Variants in RNASEH1 observed in about 807,000 individuals in gnomAD.
The protein encoded by RNASEH1 is ribonuclease H1, also known as ribonuclease H type II.
RNASEH1 carries 27 observed loss-of-function variants against 34.6 expected under a neutral mutation model. That is an observed-to-expected ratio of 0.78 (90% CI 0.58 to 1.08). The LOEUF is 1.08. Among genes scored for constraint, RNASEH1 ranks in the 50% least tolerant of loss-of-function variants. The pLI is 0.00. For missense variants in RNASEH1, 349 were observed against 373.6 expected (o/e 0.93, Z 0.54); for synonymous variants, 162 against 138.4 (o/e 1.17, Z -1.20).
chr2:3,538,362 T>A (rs900768921), downstream of RNASEH1, among the ~76,000 whole-genome samples: 1 of 150,900 alleles, frequency 6.6e-6, no homozygotes, highest in Non-Finnish European at 1.5e-5. Flanking sequence ...CAAAAAAATA[T>A]ATATAATATA....
At chr2:3,551,625 T>C (rs1659919453) in intron 3 of RNASEH1, among the ~76,000 whole-genome samples, 1 of 152,242 alleles carries the variant, frequency 6.6e-6, no homozygotes, top group Non-Finnish European at 1.5e-5. Context: ...ATTTCTACTT[T>C]CTGCTCATAT....
chr2:3,537,433 T>A (rs1668041161), downstream of RNASEH1, among the ~76,000 whole-genome samples: 1 of 152,166 alleles, frequency 6.6e-6, no homozygotes, highest in Non-Finnish European at 1.5e-5. Flanking sequence ...CAAGGTAACA[T>A]ATAAAAAGGC....
In RNASEH1 at chr2:3,541,564, A is replaced by T. The variant is rs759834761; in HGVS notation, c.*4221T>A. On this transcript the variant is annotated 3_prime_UTR_variant, in exon 8 of 8. Coordinates refer to ENST00000315212, the MANE Select transcript of RNASEH1 (RefSeq NM_002936.6). ...AAATGTGGATTATTGATGTACACAA[A>T]ATGGGTGAATGCCAAAATAATTATG... is the stretch of plus-strand genomic sequence containing the variant. Among the ~76,000 whole-genome samples the T allele has an allele frequency of 6.6e-6, 1 of 152,222 alleles. No individual in the cohort carries two copies. Among genetic ancestry groups the T allele is most frequent in the African/African-American group, 2.4e-5 (1 of 41,454 alleles).
downstream of RNASEH1, among the ~76,000 whole-genome samples, chr2:3,536,509 C>T (rs190532357): frequency 2.4e-4 from 37 of 152,306 alleles, no homozygotes; most frequent in African/African-American, 8.4e-4. Context: ...CTTGGGGAAA[C>T]CCACCCTGAC....
At position 3,548,000 on chromosome 2, in the gene RNASEH1, C is replaced by T. The variant is rs1668917537; in HGVS notation, c.705G>A (p.Gly235=). The T allele has an allele frequency of 6.2e-7, 1 of 1,613,862 alleles. No individual in the cohort carries two copies. ...WKKNGWKTSA[G]KEVINKEDFV... Reference sequence around the variant, plus strand: ...AGTCCTCTTTGTTGATCACCTCTTTCCCTGCACTTGTCTTCCACCCATTTT... The same window carrying T: ...AGTCCTCTTTGTTGATCACCTCTTTTCCTGCACTTGTCTTCCACCCATTTT... Residue 235 remains glycine (G), a synonymous_variant, in exon 7 of 8, where the codon GGG becomes GGA. Transcript: ENST00000315212.
At chr2:3,540,739 C>T (rs1384044975), downstream of RNASEH1, among the ~76,000 whole-genome samples, 4 of 152,054 alleles carry the variant, frequency 2.6e-5, no homozygotes, top group East Asian at 1.9e-4. Context: ...TCCCACAGAC[C>T]GTAAAGTTTC....
intron 4 of RNASEH1, 67 bp downstream of exon 4, chr2:3,550,306 G>A: frequency 7.7e-7 from 1 of 1,293,232 alleles, no homozygotes; most frequent in Non-Finnish European, 1.1e-6. Flanking sequence ...ACAATGAGCA[G>A]ATCCCGCCTC....
intron 6 of RNASEH1, 61 bp from the exon 7 acceptor site, chr2:3,548,116 T>TA: frequency 6.3e-7 from 1 of 1,584,578 alleles, no homozygotes; most frequent in Non-Finnish European, 8.6e-7. Flanking sequence ...TTCACCTCCT[T>TA]AGTCTTACCT....
In RNASEH1 at chr2:3,547,865, A is replaced by C; in HGVS notation, c.774+66T>G. The C allele has an allele frequency of 3.4e-6, 5 of 1,460,556 alleles. No homozygotes were observed. In the East Asian group the frequency reaches 9.1e-5, roughly 27 times the overall value. 90.5% of individuals were successfully genotyped at this position (1,460,556 alleles called of 1,614,324 possible). A position where few individuals can be genotyped will look rare whatever the true frequency, so the allele number is the denominator to read the frequency against. On this transcript the variant is annotated intron_variant, in intron 7 of 7. Coordinates refer to ENST00000315212, the MANE Select transcript of RNASEH1 (RefSeq NM_002936.6). ...CATTAAACCACTTACATAAACCATT[A>C]ATCTCTAGTAAACTTAGCTTATTTG... is the stretch of plus-strand genomic sequence containing the variant.
rs1660717107 is a variant in RNASEH1, at chr2:3,558,061, G to A, written c.128+72C>T. The A allele has an allele frequency of 3.3e-6, 5 of 1,498,796 alleles. No individual in the cohort carries two copies. In the South Asian group the frequency reaches 6.6e-5, roughly 20 times the overall value. 92.8% of individuals were successfully genotyped at this position (1,498,796 alleles called of 1,614,324 possible). A position where few individuals can be genotyped will look rare whatever the true frequency, so the allele number is the denominator to read the frequency against. On this transcript the variant is annotated intron_variant, in intron 1 of 7. Transcript: ENST00000315212. ...TCGGACCGCCAGGCTCCCGCCGCCG[G>A]GGTTAGCCGGGCTCCGGCCTCCCTC... is the stretch of plus-strand genomic sequence containing the variant.
rs1320164867 is a variant in RNASEH1 at position 3,541,627 on chromosome 2, C to T, written c.*4158G>A. Reference sequence around the variant, plus strand: ...ACCTCCCCCCACAGTACTTGCTCTGCGATTCCACTCAGATAAAATTCTAGA... The same window carrying T: ...ACCTCCCCCCACAGTACTTGCTCTGTGATTCCACTCAGATAAAATTCTAGA... On this transcript the variant is annotated 3_prime_UTR_variant, in exon 8 of 8. Coordinates refer to ENST00000315212, the MANE Select transcript of RNASEH1 (RefSeq NM_002936.6). Among the ~76,000 whole-genome samples the T allele has an allele frequency of 1.3e-5, 2 of 152,144 alleles. No individual in the cohort carries two copies. Among genetic ancestry groups the T allele is most frequent in the African/African-American group, 2.4e-5 (1 of 41,426 alleles).
intron 7 of RNASEH1, among the ~76,000 whole-genome samples, chr2:3,547,573 C>T (rs765821716): frequency 6.6e-5 from 10 of 151,768 alleles, no homozygotes; most frequent in Non-Finnish European, 1.3e-4. Flanking sequence ...CTGCAACTTC[C>T]GCCTCCTGGG....
chr2:3,547,519 A>G (rs148150926), intron 7 of RNASEH1, among the ~76,000 whole-genome samples: 6 of 148,848 alleles, frequency 4.0e-5, no homozygotes, highest in Admixed American at 6.7e-5. Flanking sequence ...TTGGAGTCTC[A>G]TATCGTTGCT....
At chr2:3,548,492 A>G (rs1364201293) in intron 6 of RNASEH1, 148 bp downstream of exon 6, 1 of 600,744 alleles carries the variant, frequency 1.7e-6, no homozygotes, top group Admixed American at 3.1e-5. Flanking sequence ...CAGAAGGGAG[A>G]CTCCAAAATC....
chr2:3,539,707 A>T (rs923599102), downstream of RNASEH1, among the ~76,000 whole-genome samples: 2 of 152,166 alleles, frequency 1.3e-5, no homozygotes, highest in African/African-American at 2.4e-5. Flanking sequence ...TCACGTTATT[A>T]AAAAAGGGGC....
chr2:3,549,903 G>C (rs368961944), intron 4 of RNASEH1, among the ~76,000 whole-genome samples: 1 of 150,114 alleles, frequency 6.7e-6, no homozygotes, highest in Non-Finnish European at 1.5e-5. Flanking sequence ...CCGAGATCGC[G>C]CCACTGCACT....
At chr2:3,549,903 G>A (rs368961944) in intron 4 of RNASEH1, among the ~76,000 whole-genome samples, 25 of 150,218 alleles carry the variant, frequency 1.7e-4, no homozygotes, top group African/African-American at 5.4e-4. Context: ...CCGAGATCGC[G>A]CCACTGCACT....
intron 6 of RNASEH1, 24 bp from the exon 7 acceptor site, chr2:3,548,079 T>C (rs781456650): frequency 1.9e-6 from 3 of 1,613,686 alleles, no homozygotes; most frequent in Non-Finnish European, 2.5e-6. Context: ...CGATCACTGG[T>C]GAGTCAATCT....
chr2:3,532,519 T>C, the RNASEH1 span, among the ~76,000 whole-genome samples: 2 of 152,134 alleles, frequency 1.3e-5, no homozygotes, highest in Non-Finnish European at 2.9e-5. Flanking sequence ...CCCTAGATGG[T>C]ACAGCCCACT....
Sources: allele counts gnomAD v4.1 joint callset (sites outside exome capture counted in the v4.1 genomes callset), GRCh38; gene constraint gnomAD v4.1.1; transcripts MANE v1.5; gene names NCBI Gene and HGNC (gene_info 2026-07-23, HGNC 2026-07-21).